Variants in BMPR1A observed in about 807,000 individuals in gnomAD.
The protein encoded by BMPR1A is bone morphogenetic protein receptor type 1A, also known as bone morphogenetic protein receptor type-1A.
Under a neutral mutation model 66.0 loss-of-function variants are expected in BMPR1A, and 7 were observed. That is an observed-to-expected ratio of 0.11 (90% CI 0.06 to 0.20). The LOEUF (loss-of-function observed/expected upper bound fraction) is 0.20, where lower values mean the gene tolerates loss of function less well. Ranked by LOEUF, BMPR1A falls within the 10% of genes least tolerant of loss-of-function variation. The probability of loss-of-function intolerance (pLI) is 1.00; values close to 1 mark genes in which losing one functional copy is unlikely to be tolerated. For synonymous variants in BMPR1A, 200 were observed against 229.7 expected, an observed-to-expected ratio of 0.87 and a Z score of 1.17; for missense variants, 408 against 669.1, an observed-to-expected ratio of 0.61 and a Z score of 4.31.
intron 5 of BMPR1A, among the ~76,000 whole-genome samples, chr10:86,893,135 T>A (rs1056076359): frequency 6.6e-6 from 1 of 152,130 alleles, no homozygotes; most frequent in Non-Finnish European, 1.5e-5. Context: ...ATTATAAAAT[T>A]TACTGAGAAG....
At chr10:86,919,934 C>T (rs71473285) in intron 10 of BMPR1A, among the ~76,000 whole-genome samples, 2 of 152,052 alleles carry the variant, frequency 1.3e-5, no homozygotes. Flanking sequence ...TCTCAAACTC[C>T]TAGGCTCAGC....
intron 1 of BMPR1A, among the ~76,000 whole-genome samples, chr10:86,807,806 G>T (rs1206717481): frequency 6.6e-6 from 1 of 151,158 alleles, no homozygotes. Context: ...GCACTCTGTT[G>T]CCCAGGCTGG....
chr10:86,892,526 T>G (rs1197352087), intron 5 of BMPR1A, among the ~76,000 whole-genome samples: 1 of 152,180 alleles, frequency 6.6e-6, no homozygotes, highest in African/African-American at 2.4e-5. Context: ...CACTGCAACC[T>G]CAAGCCAGCC....
chr10:86,819,691 T>C (rs1842092327), intron 1 of BMPR1A, among the ~76,000 whole-genome samples: 1 of 152,238 alleles, frequency 6.6e-6, no homozygotes, highest in African/African-American at 2.4e-5. Context: ...GCATCTCATC[T>C]AAAAGTAATG....
chr10:86,910,697 T>G (rs933409746), intron 7 of BMPR1A, among the ~76,000 whole-genome samples: 2 of 152,234 alleles, frequency 1.3e-5, no homozygotes, highest in African/African-American at 4.8e-5. Context: ...AAAATAAAAT[T>G]ATAATGGTTA....
chr10:86,855,259 T>C, intron 2 of BMPR1A: 1 of 1,095,088 alleles, frequency 9.1e-7, no homozygotes, highest in East Asian at 2.8e-5. Flanking sequence ...GAAGCATAAT[T>C]CTGGCCATAC....
chr10:86,918,711 C>A (rs1010022140), intron 9 of BMPR1A, among the ~76,000 whole-genome samples: 2 of 151,548 alleles, frequency 1.3e-5, no homozygotes, highest in Admixed American at 6.6e-5. Context: ...GCAACCTCTG[C>A]CGCCAGGTTC....
chr10:86,894,528 G>T, intron 5 of BMPR1A, among the ~76,000 whole-genome samples: 1 of 152,138 alleles, frequency 6.6e-6, no homozygotes, highest in East Asian at 1.9e-4. Context: ...CTATGGTTAG[G>T]GTACTGAGCC....
At chr10:86,910,296 C>T (rs1026217189) in intron 7 of BMPR1A, among the ~76,000 whole-genome samples, 1 of 151,970 alleles carries the variant, frequency 6.6e-6, no homozygotes, top group African/African-American at 2.4e-5. Flanking sequence ...TGAGATTGCG[C>T]CATTGCACTC....
chr10:86,924,322 G>A lies in BMPR1A; in HGVS notation c.*603G>A. 2 of 236,954 alleles carry A rather than the reference G, an allele frequency of 8.4e-6. No individual in the cohort carries two copies. Among genetic ancestry groups the A allele is most frequent in the Non-Finnish European group, 1.7e-5 (2 of 119,994 alleles). The allele number at this position is 236,954 out of a possible 1,614,324, so 14.7% of individuals were successfully genotyped here. A position where few individuals can be genotyped will look rare whatever the true frequency, so the allele number is the denominator to read the frequency against. ...AATAATTTATATGCATGCACAGGAA[G>A]ATATTGGTGGCCGGTGGTTTTGTGC... On this transcript the variant is annotated 3_prime_UTR_variant, in exon 13 of 13. Transcript: ENST00000372037.
rs1843385265 is a variant in BMPR1A, at chr10:86,906,228, G to GTAT, written c.531-6008_531-6006dup. 2.0e-5 allele frequency among the ~76,000 whole-genome samples: 3 copies of GTAT among 152,076 alleles called. No individual in the cohort carries two copies. In the South Asian group the frequency reaches 6.2e-4, roughly 32 times the overall value. Reference sequence around the variant, plus strand: ...TTCTGACATACATTTTATCTTTGATGTATTATATGTAATTTTTTTCATGGC... The same window carrying GTAT: ...TTCTGACATACATTTTATCTTTGATGTATTATTATATGTAATTTTTTTCATGGC... On this transcript the variant is annotated intron_variant, in intron 7 of 12. Transcript: ENST00000372037.
chr10:86,876,603 A>G (rs1842924402), intron 3 of BMPR1A, among the ~76,000 whole-genome samples: 1 of 152,096 alleles, frequency 6.6e-6, no homozygotes, highest in African/African-American at 2.4e-5. Flanking sequence ...GCAACATGGC[A>G]AAACCTCATC....
chr10:86,921,083 A>C (rs912367081), intron 10 of BMPR1A, among the ~76,000 whole-genome samples: 1 of 152,012 alleles, frequency 6.6e-6, no homozygotes, highest in Admixed American at 6.6e-5. Context: ...TGAACACCTG[A>C]CCTCAGGTGA....
chr10:86,790,239 A>G (rs1841595841), intron 1 of BMPR1A, among the ~76,000 whole-genome samples: 1 of 120,924 alleles, frequency 8.3e-6, no homozygotes, highest in Non-Finnish European at 1.7e-5. Context: ...ATATATATCA[A>G]AACCACAATG....
intron 1 of BMPR1A, among the ~76,000 whole-genome samples, chr10:86,838,280 T>G (rs979768225): frequency 6.6e-6 from 1 of 152,196 alleles, no homozygotes. Flanking sequence ...CTTTTAGATT[T>G]ATGAATGCTT....
intron 1 of BMPR1A, among the ~76,000 whole-genome samples, chr10:86,795,818 T>C (rs901079930): frequency 1.3e-5 from 2 of 152,224 alleles, no homozygotes; most frequent in South Asian, 2.1e-4. Context: ...TTCAGAGGTA[T>C]TTAAAAATAT....
intron 1 of BMPR1A, among the ~76,000 whole-genome samples, chr10:86,794,830 A>C (rs554660323): frequency 4.0e-5 from 6 of 151,160 alleles, no homozygotes; most frequent in African/African-American, 9.7e-5. Context: ...ATATCTATAG[A>C]TATAGATATA....
intron 1 of BMPR1A, among the ~76,000 whole-genome samples, chr10:86,771,489 A>G (rs1468223308): frequency 6.6e-6 from 1 of 152,206 alleles, no homozygotes; most frequent in Admixed American, 6.5e-5. Flanking sequence ...TCCCTTTTAC[A>G]TGAGGAAACT....
intron 8 of BMPR1A, among the ~76,000 whole-genome samples, chr10:86,912,734 G>A (rs901446993): frequency 3.3e-5 from 5 of 152,128 alleles, no homozygotes; most frequent in African/African-American, 9.7e-5. Flanking sequence ...GAGGAATCAG[G>A]TATAAGATTC....
Sources: gnomAD v4.1 joint callset for allele counts (sites outside exome capture counted in the v4.1 genomes callset) on GRCh38, gnomAD v4.1.1 for gene constraint, MANE v1.5 for transcripts, NCBI Gene and HGNC (gene_info 2026-07-23, HGNC 2026-07-21) for gene names.